The following MYO15A variants were observed in gnomAD, a reference collection of about 807,000 sequenced individuals.
MYO15A encodes unconventional myosin-XV.
Under a neutral mutation model 394.6 loss-of-function variants are expected in MYO15A, and 308 were observed. That is an observed-to-expected ratio of 0.78 (90% CI 0.71 to 0.86). The LOEUF is 0.86. Among genes scored for constraint, MYO15A ranks in the 40% least tolerant of loss-of-function variants. The probability of loss-of-function intolerance (pLI) is 0.00; values close to 1 mark genes in which losing one functional copy is unlikely to be tolerated. For synonymous variants in MYO15A, 1,957 were observed against 2,003.8 expected (o/e 0.98, Z 0.62); for missense variants, 4,606 against 4,799.1 (o/e 0.96, Z 1.19).
Position 18,150,329 on chromosome 17 carries a change from C to T in MYO15A, c.7213-100C>T. 6 of 1,099,998 alleles carry T rather than the reference C, an allele frequency of 5.5e-6. No individual in the cohort carries two copies. The South Asian group carries it at 7.7e-5, about 14-fold the overall frequency. The allele number at this position is 1,099,998 out of a possible 1,614,324, so 68.1% of individuals were successfully genotyped here. A position where few individuals can be genotyped will look rare whatever the true frequency, so the allele number is the denominator to read the frequency against. ...GAGCCAGTGGGAGGCTGCCCCCTCC[C>T]ACGAGAGGGTGGGGAAGAGGCCAGT... On this transcript the variant is annotated intron_variant, in intron 35 of 65. Transcript: ENST00000647165. This position sits in a 1 kb window ranked among gnomAD's most constrained non-coding sequence, Gnocchi z 4.4.
At position 18,139,551 on chromosome 17, in the gene MYO15A, C is replaced by T. The variant is rs200272663; in HGVS notation, c.5151C>T (p.Asp1717=). Residue 1717 remains aspartate (D), a synonymous_variant, in exon 19 of 66, where the codon GAC becomes GAT. Transcript: ENST00000647165. The stretch of plus-strand genomic sequence containing the variant: ...CTTTTCAGGTGCACAAGTTCCTGGA[C>T]AAGAACCACGACCAAGTGCGCCAGG... ...KVTYQVHKFL[D]KNHDQVRQDV... is the part of the protein sequence containing the mutation. 1.1e-5 allele frequency: 17 copies of T among 1,614,084 alleles called. No homozygotes were observed. In the East Asian group the frequency reaches 3.1e-4, roughly 30 times the overall value.
At chr17:18,141,502 A>T in intron 22 of MYO15A, 151 bp from the exon 23 acceptor site, 1 of 777,376 alleles carries the variant, frequency 1.3e-6, no homozygotes, top group Non-Finnish European at 2.2e-6. Context: ...TTGAGGATGG[A>T]GTGCCTTTTT....
intron 19 of MYO15A, 151 bp from the exon 20 acceptor site, chr17:18,140,366 G>A (rs183647639): frequency 2.7e-6 from 3 of 1,091,846 alleles, no homozygotes; most frequent in African/African-American, 3.1e-5. Flanking sequence ...AAGCATGCAA[G>A]CCAGGATGAC....
In MYO15A at chr17:18,126,772, T is replaced by C; in HGVS notation, c.3867-19T>C. The stretch of plus-strand genomic sequence containing the variant: ...GGAGCTTAGAGGCAGGGGCCAGCTC[T>C]AATGACCTGTCTCCCCAGGCACCTC... On this transcript the variant is annotated intron_variant, in intron 5 of 65. Coordinates refer to ENST00000647165, the MANE Select transcript of MYO15A (RefSeq NM_016239.4). 6.2e-7 allele frequency: 1 copy of C among 1,614,022 alleles called. No individual in the cohort carries two copies. Among genetic ancestry groups the C allele is most frequent in the Non-Finnish European group, 8.5e-7 (1 of 1,179,914 alleles).
chr17:18,154,052 G>T, intron 43 of MYO15A, 79 bp from the exon 44 acceptor site: 1 of 1,605,674 alleles, frequency 6.2e-7, no homozygotes, highest in Non-Finnish European at 8.5e-7. Flanking sequence ...GGGCGGAACT[G>T]CATTTAGGGG....
At chr17:18,171,528 C>T in intron 62 of MYO15A, 110 bp from the exon 63 acceptor site, 1 of 1,515,354 alleles carries the variant, frequency 6.6e-7, no homozygotes, top group Non-Finnish European at 9.1e-7. Context: ...AGCATTTAGT[C>T]TTCCAGGGAG....
intron 29 of MYO15A, 76 bp from the exon 30 acceptor site, chr17:18,145,796 A>T: frequency 7.8e-7 from 1 of 1,283,554 alleles, no homozygotes; most frequent in South Asian, 1.2e-5. Context: ...GGGACATGAG[A>T]GGGATGCATG....
rs2047055831 is a variant in MYO15A at position 18,179,175 on chromosome 17, T to C, written c.*305T>C. ...CCTGCCATGTACCCATTGCAGACCC[T>C]GCCCCTAACTCCTGCCTATGACACA... On this transcript the variant is annotated 3_prime_UTR_variant, in exon 66 of 66. Coordinates refer to ENST00000647165, the MANE Select transcript of MYO15A (RefSeq NM_016239.4). 1 of 482,616 alleles carries C rather than the reference T, an allele frequency of 2.1e-6. No individual in the cohort carries two copies. Among genetic ancestry groups the C allele is most frequent in the Non-Finnish European group, 3.8e-6 (1 of 261,726 alleles). 29.9% of individuals were successfully genotyped at this position (482,616 alleles called of 1,614,324 possible).
chr17:18,152,780 C>T (rs897325405), intron 42 of MYO15A, among the ~76,000 whole-genome samples: 1 of 152,194 alleles, frequency 6.6e-6, no homozygotes, highest in Non-Finnish European at 1.5e-5. Context: ...CCCACTCCTG[C>T]CTTGCATGTT....
chr17:18,143,073 G>A (rs1054381072), intron 25 of MYO15A, among the ~76,000 whole-genome samples: 1 of 152,222 alleles, frequency 6.6e-6, no homozygotes. Flanking sequence ...CTGGTGCTGG[G>A]TTCACAGTGG....
intron 29 of MYO15A, 23 bp from the exon 30 acceptor site, chr17:18,145,849 A>AG: frequency 6.2e-7 from 1 of 1,611,256 alleles, no homozygotes; most frequent in Non-Finnish European, 8.5e-7. Context: ...TGAGATGCCC[A>AG]GGAGACTCTG....
In MYO15A at chr17:18,154,785, G is replaced by C. The variant is rs146111603; in HGVS notation, c.8224+30G>C. On this transcript the variant is annotated intron_variant, in intron 45 of 65. Coordinates refer to ENST00000647165, the MANE Select transcript of MYO15A (RefSeq NM_016239.4). Reference sequence around the variant, plus strand: ...CTCGGGGGAGAGGAGGGGTACTGATGGGGCAACCAGTCAGAGGCACAGCCA... The same window carrying C: ...CTCGGGGGAGAGGAGGGGTACTGATCGGGCAACCAGTCAGAGGCACAGCCA... The C allele has an allele frequency of 6.8e-6, 11 of 1,607,496 alleles. No individual in the cohort carries two copies. In the East Asian group the frequency reaches 2.5e-4, roughly 36 times the overall value.
At chr17:18,128,240 G>T (rs920802522) in intron 7 of MYO15A, among the ~76,000 whole-genome samples, 1 of 151,698 alleles carries the variant, frequency 6.6e-6, no homozygotes, top group South Asian at 2.1e-4. Flanking sequence ...TTGTTGAGAA[G>T]AGGTGTCTGC....
intron 1 of MYO15A, among the ~76,000 whole-genome samples, chr17:18,112,774 A>C (rs1185286503): frequency 6.6e-6 from 1 of 152,138 alleles, no homozygotes; most frequent in Non-Finnish European, 1.5e-5. Context: ...CATATGGATA[A>C]AAATCAAACT....
In MYO15A at chr17:18,120,296, C is replaced by T. The variant is rs1316506735; in HGVS notation, c.1496C>T (p.Pro499Leu). 1.9e-6 allele frequency: 3 copies of T among 1,612,064 alleles called. No individual in the cohort carries two copies. The highest frequency in any genetic ancestry group is 2.5e-6 in the Non-Finnish European group (3 of 1,179,910). The change falls in exon 2 of 66, where the codon CCC (proline) becomes CTC (leucine). Residue 499 changes from proline (P) to leucine (L), a missense_variant. Physicochemically the swap from Pro to Leu is moderately conservative, Grantham distance 98 (BLOSUM62 -3). This residue lies in a region of MYO15A where 1,830 missense variants were observed against 1,689.7 expected (regional missense o/e 1.08). Transcript: ENST00000647165. ...GKEKLEVPLP[P>L]SLDIPLPLGD... ...GAGAAGCTGGAGGTGCCCCTGCCAC[C>T]CTCTCTGGACATTCCTCTCCCCTTG... is the stretch of plus-strand genomic sequence containing the variant.
Position 18,141,042 on chromosome 17 carries a change from T to C in MYO15A, c.5430T>C (p.Asp1810=), listed in dbSNP as rs756226000. The C allele has an allele frequency of 1.9e-6, 3 of 1,614,050 alleles. No homozygotes were observed. The highest frequency in any genetic ancestry group is 2.5e-6 in the Non-Finnish European group (3 of 1,180,044). The change falls in exon 22 of 66, where the codon GAT becomes GAC. Residue 1810 remains aspartate (D), a synonymous_variant. Coordinates refer to ENST00000647165, the MANE Select transcript of MYO15A (RefSeq NM_016239.4). ...HKKEPGLFEP[D]VVMAQLRYSG... ...AGGAGCCAGGTCTCTTTGAGCCAGA[T>C]GTGGTAATGGCACAATTACGCTATT...
In MYO15A at chr17:18,153,916, C is replaced by CCAGGGGAGGGGCTGAAGCGGGG. The variant is rs1463201817; in HGVS notation, c.8088+40_8088+61dup. ...AAAGAGGTGCCGAGCACAGCCGTAG[C>CCAGGGGAGGGGCTGAAGCGGGG]CAGGGGAGGGGCTGAAGCGGGGCAG... On this transcript the variant is annotated intron_variant, in intron 43 of 65. Coordinates refer to ENST00000647165, the MANE Select transcript of MYO15A (RefSeq NM_016239.4). This position sits in a 1 kb window ranked among gnomAD's most constrained non-coding sequence, Gnocchi z 4.1. 1 of 1,613,344 alleles carries CCAGGGGAGGGGCTGAAGCGGGG rather than the reference C, an allele frequency of 6.2e-7. No homozygotes were observed.
In MYO15A at chr17:18,133,390, AG is replaced by A. The variant is rs1291415336; in HGVS notation, c.4482+8del. 6.2e-7 allele frequency: 1 copy of A among 1,613,796 alleles called. No homozygotes were observed. Among genetic ancestry groups the A allele is most frequent in the Non-Finnish European group, 8.5e-7 (1 of 1,179,836 alleles). On this transcript the variant is annotated splice_donor_5th_base_variant and intron_variant, in intron 12 of 65. Coordinates refer to ENST00000647165, the MANE Select transcript of MYO15A (RefSeq NM_016239.4). ...CGTCTACTTTGAGAAGTATGAGGTG[AG>A]GGGACGCCACAGCCTGCCATGGGGC... is the stretch of plus-strand genomic sequence containing the variant.
At chr17:18,178,670 C>T (rs756822170) in intron 65 of MYO15A, 99 bp from the exon 66 acceptor site, 3 of 1,168,620 alleles carry the variant, frequency 2.6e-6, no homozygotes, top group Non-Finnish European at 3.8e-6. Flanking sequence ...ATGATGGTCT[C>T]CACCTATCTC....
Sources: allele counts gnomAD v4.1 joint callset (sites outside exome capture counted in the v4.1 genomes callset), GRCh38; gene constraint gnomAD v4.1.1; regional missense constraint gnomAD v4.1.1; non-coding constraint Gnocchi (gnomAD v3.1); transcripts MANE v1.5; gene names NCBI Gene and HGNC (gene_info 2026-07-23, HGNC 2026-07-21).